FAM133A: variants seen among roughly 807,000 people sequenced by gnomAD.
The protein encoded by FAM133A is protein FAM133A.
For synonymous variants in FAM133A, 65 were observed against 58.6 expected, an observed-to-expected ratio of 1.11 and a Z score of -0.50; for missense variants, 159 against 164.4, an observed-to-expected ratio of 0.97 and a Z score of 0.18.
intron 3 of FAM133A, among the ~76,000 whole-genome samples, chrX:93,707,631 G>A (rs1005133057): frequency 9.1e-6 from 1 of 110,485 alleles, no homozygotes; most frequent in Non-Finnish European, 1.9e-5. Flanking sequence ...CTAAATACCT[G>A]CTGCTCTTTT....
intron 3 of FAM133A, among the ~76,000 whole-genome samples, chrX:93,699,114 CAG>C (rs112313682): frequency 5.4e-5 from 6 of 111,038 alleles, no homozygotes; most frequent in Admixed American, 1.9e-4. Context: ...GAAGTACAGA[CAG>C]AGGGGAGAAT....
chrX:93,702,430 T>C (rs1450077982), intron 3 of FAM133A, among the ~76,000 whole-genome samples: 1 of 111,359 alleles, frequency 9.0e-6, no homozygotes. Context: ...ATCAACAAAA[T>C]AAAATTGTGT....
intron 2 of FAM133A, among the ~76,000 whole-genome samples, chrX:93,697,105 A>C (rs1926345758): frequency 9.3e-6 from 1 of 107,171 alleles, no homozygotes; most frequent in Admixed American, 1.0e-4. Flanking sequence ...TTCCCCCAAA[A>C]TTATGATTTA....
At chrX:93,682,446 A>G (rs1925231173) in intron 2 of FAM133A, among the ~76,000 whole-genome samples, 1 of 112,112 alleles carries the variant, frequency 8.9e-6, no homozygotes, top group Non-Finnish European at 1.9e-5. Context: ...GTGTGTACAC[A>G]CACATGTTCT....
intron 3 of FAM133A, among the ~76,000 whole-genome samples, chrX:93,705,675 T>A (rs1438820899): frequency 2.7e-5 from 3 of 111,391 alleles, no homozygotes; most frequent in Admixed American, 1.9e-4. Context: ...CTACAAAAAA[T>A]CCTGCATCCA....
At chrX:93,700,526 A>C (rs1926623609) in intron 3 of FAM133A, among the ~76,000 whole-genome samples, 1 of 111,424 alleles carries the variant, frequency 9.0e-6, no homozygotes, top group Non-Finnish European at 1.9e-5. Context: ...ATCCCTCCAC[A>C]TGTTTTTTCA....
Position 93,697,615 on chromosome X carries a change from ATC to A in FAM133A, c.-192-780_-192-779del, listed in dbSNP as rs201286158. Among the ~76,000 whole-genome samples the A allele has an allele frequency of 5.5e-3, 611 of 111,954 alleles. 2 individuals are homozygous for A. Among genetic ancestry groups the A allele is most frequent in the African/African-American group, 0.019 (590 of 30,870 alleles). ...TAATGCCTAGCTTAATAATTTTCTT[ATC>A]TGTTTCTACATTCAGTCTGTTGTGA... On this transcript the variant is annotated intron_variant, in intron 2 of 3. Transcript: ENST00000683942.
chrX:93,709,440 G>T lies in FAM133A; in HGVS notation c.21G>T (p.Arg7=). 1 of 1,171,227 alleles carries T rather than the reference G, an allele frequency of 8.5e-7. No homozygotes were observed. Residue 7 remains arginine (R), a synonymous_variant, in exon 4 of 4, where the codon CGG becomes CGT. Coordinates refer to ENST00000683942, the MANE Select transcript of FAM133A (RefSeq NM_001171109.2). The stretch of plus-strand genomic sequence containing the variant: ...GCACCATGGGGAAGCGGGATAATCG[G>T]GTAGCCTATATGAATCCTATAGCAA... MGKRDN[R]VAYMNPIAMA...
chrX:93,696,069 A>G (rs1926242414), intron 2 of FAM133A, among the ~76,000 whole-genome samples: 1 of 111,841 alleles, frequency 8.9e-6, no homozygotes, highest in South Asian at 3.7e-4. Context: ...GCAAAATTTC[A>G]TGGGTTTCTG....
At chrX:93,675,400 C>G (rs1194176019) in intron 2 of FAM133A, among the ~76,000 whole-genome samples, 6 of 111,670 alleles carry the variant, frequency 5.4e-5, no homozygotes, top group Non-Finnish European at 9.4e-5. Flanking sequence ...AAATGATCGA[C>G]ATCTTATTTT....
Position 93,711,000 on chromosome X carries a change from T to G in FAM133A, c.*834T>G, listed in dbSNP as rs191482478. ...ATTAAGAAATATTCTGAAATTTTTT[T>G]TGCATGTTTTATACTGTTAAGTTTT... is the stretch of plus-strand genomic sequence containing the variant. On this transcript the variant is annotated 3_prime_UTR_variant, in exon 4 of 4. Transcript: ENST00000683942. The G allele has an allele frequency of 9.7e-5, 12 of 123,170 alleles. No individual in the cohort carries two copies. The East Asian group carries it at 3.4e-3, about 35-fold the overall frequency. 10.2% of individuals were successfully genotyped at this position (123,170 alleles called of 1,213,427 possible).
At chrX:93,704,417 AG>A (rs1292780622) in intron 3 of FAM133A, among the ~76,000 whole-genome samples, 2 of 111,713 alleles carry the variant, frequency 1.8e-5, no homozygotes, top group Non-Finnish European at 3.8e-5. Context: ...AAGAACATTA[AG>A]GTTTTTTTTT....
At chrX:93,695,000 A>G (rs1926130719) in intron 2 of FAM133A, among the ~76,000 whole-genome samples, 1 of 111,337 alleles carries the variant, frequency 9.0e-6, no homozygotes. Flanking sequence ...AGACAGGGAG[A>G]ATTAGCCTCA....
At chrX:93,707,177 A>G (rs1178149616) in intron 3 of FAM133A, among the ~76,000 whole-genome samples, 2 of 112,286 alleles carry the variant, frequency 1.8e-5, no homozygotes, top group Non-Finnish European at 3.8e-5. Context: ...TGAAGTATTT[A>G]AGAGTTTTGA....
At chrX:93,682,895 G>A (rs1925263948) in intron 2 of FAM133A, among the ~76,000 whole-genome samples, 1 of 111,800 alleles carries the variant, frequency 8.9e-6, no homozygotes, top group Admixed American at 9.5e-5. Context: ...GATTACAGGA[G>A]TGAGCCACCG....
At chrX:93,689,813 G>T (rs977813891) in intron 2 of FAM133A, among the ~76,000 whole-genome samples, 3 of 111,377 alleles carry the variant, frequency 2.7e-5, no homozygotes, top group African/African-American at 9.8e-5. Flanking sequence ...ACAATGGAAA[G>T]GGCACATTTA....
intron 2 of FAM133A, among the ~76,000 whole-genome samples, chrX:93,683,865 T>G (rs932515451): frequency 8.9e-6 from 1 of 111,864 alleles, no homozygotes; most frequent in African/African-American, 3.2e-5. Context: ...GGGTTTTTTT[T>G]TGGCTGTTTT....
At chrX:93,692,935 C>T (rs1163888419) in intron 2 of FAM133A, among the ~76,000 whole-genome samples, 1 of 110,946 alleles carries the variant, frequency 9.0e-6, no homozygotes, top group Non-Finnish European at 1.9e-5. Context: ...TTAATTCCTA[C>T]TAAGAGGATC....
chrX:93,695,432 T>C (rs770320719), intron 2 of FAM133A, among the ~76,000 whole-genome samples: 1 of 103,124 alleles, frequency 9.7e-6, no homozygotes, highest in African/African-American at 3.6e-5. Flanking sequence ...TTTTCTAGTT[T>C]TAGTAGAGAT....
Sources: allele counts gnomAD v4.1 joint callset (sites outside exome capture counted in the v4.1 genomes callset), GRCh38; gene constraint gnomAD v4.1.1; transcripts MANE v1.5; gene names NCBI Gene and HGNC (gene_info 2026-07-23, HGNC 2026-07-21).